The following CA6 variants were observed in gnomAD, a reference collection of about 807,000 sequenced individuals.
CA6 encodes the protein carbonate dehydratase VI.
Under a neutral mutation model 35.9 loss-of-function variants are expected in CA6, and 28 were observed. The ratio of observed to expected loss-of-function variants is 0.78; its 90% CI spans 0.58 to 1.07. The LOEUF is 1.07. Ranked by LOEUF, CA6 falls within the 50% of genes least tolerant of loss-of-function variation. The pLI, the probability that CA6 is intolerant of heterozygous loss-of-function variation, is 0.00. For missense variants in CA6, 377 were observed against 382.0 expected, an observed-to-expected ratio of 0.99 and a Z score of 0.11; for synonymous variants, 148 against 152.6, an observed-to-expected ratio of 0.97 and a Z score of 0.22.
intron 2 of CA6, chr1:8,952,220 T>G (rs1639557794): frequency 6.6e-6 from 1 of 152,374 alleles, no homozygotes; most frequent in African/African-American, 2.4e-5. Flanking sequence ...CACTGCAACC[T>G]CTGCCTCCTA....
chr1:8,946,107 G>A (rs1399804827), intron 1 of CA6, 142 bp downstream of exon 1: 1 of 601,304 alleles, frequency 1.7e-6, no homozygotes, highest in East Asian at 2.9e-5. Flanking sequence ...GTGTGATGTT[G>A]GCTCACTGCA....
At position 8,967,790 on chromosome 1, in the gene CA6, G is replaced by T; in HGVS notation, c.703G>T (p.Asp235Tyr). Residue 235 changes from aspartate to tyrosine, a missense_variant, in exon 6 of 8, where the codon GAT (aspartate) becomes TAT (tyrosine). By Grantham distance (160) the Asp-to-Tyr change is radical. Coordinates refer to ENST00000377443, the MANE Select transcript of CA6 (RefSeq NM_001215.4). ...GAACGTCCACTGGTTTGTGCTGGCA[G>T]ATTTTGTCAAGCTCTCCAGGACACA... The part of the protein sequence containing the change: ...TENVHWFVLA[D>Y]FVKLSRTQVW... 1.2e-6 allele frequency: 2 copies of T among 1,614,066 alleles called. No individual in the cohort carries two copies. The highest frequency in any genetic ancestry group is 1.7e-6 in the Non-Finnish European group (2 of 1,180,006).
chr1:8,947,899 C>T (rs1161122133), intron 1 of CA6, among the ~76,000 whole-genome samples: 1 of 149,434 alleles, frequency 6.7e-6, no homozygotes, highest in Non-Finnish European at 1.5e-5. Flanking sequence ...GGCTGGAGTG[C>T]AGTGGCGCGA....
At chr1:8,973,720 C>T (rs1160206953) in intron 7 of CA6, among the ~76,000 whole-genome samples, 1 of 12,392 alleles carries the variant, frequency 8.1e-5, no homozygotes, top group East Asian at 5.8e-3. Context: ...CTCTTTCTTT[C>T]TTTCTTTCTT....
chr1:8,970,192 G>A (rs966380807), intron 6 of CA6, among the ~76,000 whole-genome samples: 3 of 131,280 alleles, frequency 2.3e-5, no homozygotes, highest in South Asian at 2.5e-4. Context: ...GCGACAGAGC[G>A]AGACTCTGGT....
chr1:8,946,131 G>A (rs534726364), intron 1 of CA6, among the ~76,000 whole-genome samples, 166 bp downstream of exon 1: 27 of 151,874 alleles, frequency 1.8e-4, no homozygotes, highest in African/African-American at 6.1e-4. Context: ...TCCGCCTCCC[G>A]GGTTCAAGTG....
At chr1:8,971,111 G>A (rs1640099206) in intron 7 of CA6, 130 bp downstream of exon 7, 4 of 685,452 alleles carry the variant, frequency 5.8e-6, no homozygotes, top group Non-Finnish European at 1.0e-5. Context: ...GCTCAGGTGG[G>A]CCAAGCTGCA....
At chr1:8,953,822 T>G (rs1639604290) in intron 2 of CA6, among the ~76,000 whole-genome samples, 1 of 152,238 alleles carries the variant, frequency 6.6e-6, no homozygotes, top group African/African-American at 2.4e-5. Context: ...CCCAGGAGGT[T>G]AAGGCATTCT....
chr1:8,949,350 A>T lies in CA6; in HGVS notation c.167A>T (p.Lys56Met). ...TCGCCTATCAACCTACAGAGGACGA[A>T]GGTGCGGTACAACCCCTCCTTGAAG... is the stretch of plus-strand genomic sequence containing the variant. ...RQSPINLQRT[K>M]VRYNPSLKGL... Residue 56 changes from lysine (K) to methionine (M), a missense_variant, in exon 2 of 8, where the codon AAG (lysine) becomes ATG (methionine). Physicochemically the swap from Lys to Met is moderately conservative, Grantham distance 95. Transcript: ENST00000377443. 1.9e-6 allele frequency: 3 copies of T among 1,613,310 alleles called. No homozygotes were observed. The highest frequency in any genetic ancestry group is 2.5e-6 in the Non-Finnish European group (3 of 1,179,542).
chr1:8,954,408 G>A (rs1639620718), intron 2 of CA6, among the ~76,000 whole-genome samples: 1 of 152,128 alleles, frequency 6.6e-6, no homozygotes, highest in Non-Finnish European at 1.5e-5. Context: ...CAAGTGATCT[G>A]CCTGCTTCGG....
chr1:8,953,361 T>G (rs1430341550), intron 2 of CA6, among the ~76,000 whole-genome samples: 2 of 152,100 alleles, frequency 1.3e-5, no homozygotes, highest in African/African-American at 2.4e-5. Flanking sequence ...TGGTGGCTCA[T>G]GCCTGTAACC....
At chr1:8,966,050 T>C (rs1013075783) in intron 5 of CA6, among the ~76,000 whole-genome samples, 7 of 152,204 alleles carry the variant, frequency 4.6e-5, no homozygotes, top group Admixed American at 2.0e-4. Flanking sequence ...AGTCCCTGCT[T>C]TCATTTCTTT....
intron 7 of CA6, among the ~76,000 whole-genome samples, chr1:8,973,336 T>G (rs557827743): frequency 6.6e-6 from 1 of 152,132 alleles, no homozygotes; most frequent in Non-Finnish European, 1.5e-5. Context: ...TAGGTCTAAA[T>G]GTTGCCATAT....
intron 1 of CA6, among the ~76,000 whole-genome samples, chr1:8,947,055 T>C (rs1405359838): frequency 6.6e-6 from 1 of 151,898 alleles, no homozygotes; most frequent in Non-Finnish European, 1.5e-5. Flanking sequence ...CCGCCCACCT[T>C]AGCCTCCCAA....
intron 7 of CA6, among the ~76,000 whole-genome samples, chr1:8,971,269 C>T (rs1158887756): frequency 6.6e-6 from 1 of 151,516 alleles, no homozygotes; most frequent in African/African-American, 2.4e-5. Flanking sequence ...AAGAAGACCA[C>T]AACATCCGGA....
intron 5 of CA6, among the ~76,000 whole-genome samples, chr1:8,967,440 A>T (rs1291075200): frequency 6.6e-6 from 1 of 151,984 alleles, no homozygotes; most frequent in East Asian, 1.9e-4. Flanking sequence ...GGCCAAGAGC[A>T]CTCAGCCAGG....
At chr1:8,974,367 C>T (rs762564967) in intron 7 of CA6, 31 of 1,530,958 alleles carry the variant, frequency 2.0e-5, no homozygotes, top group South Asian at 1.1e-4. Flanking sequence ...CGGGGGGCAT[C>T]GTGGGAGAAG....
intron 5 of CA6, among the ~76,000 whole-genome samples, chr1:8,967,011 CG>C (rs1487576215): frequency 6.6e-6 from 1 of 151,950 alleles, no homozygotes; most frequent in African/African-American, 2.4e-5. Context: ...ATTGTAGAGA[CG>C]GGGCCTCCCT....
At chr1:8,949,663 T>TG (rs919039546) in intron 2 of CA6, among the ~76,000 whole-genome samples, 77 of 152,224 alleles carry the variant, frequency 5.1e-4, no homozygotes, top group African/African-American at 1.8e-3. Flanking sequence ...AACTCCCTGC[T>TG]GGTCCCTTCC....
Sources: allele counts gnomAD v4.1 joint callset (sites outside exome capture counted in the v4.1 genomes callset), GRCh38; gene constraint gnomAD v4.1.1; transcripts MANE v1.5; gene names NCBI Gene and HGNC (gene_info 2026-07-23, HGNC 2026-07-21).